SPATA18: variants seen among roughly 807,000 people sequenced by gnomAD.
SPATA18 encodes spermatogenesis associated 18.
SPATA18 carries 54 observed loss-of-function variants against 68.1 expected under a neutral mutation model. The ratio of observed to expected loss-of-function variants is 0.79; its 90% CI spans 0.64 to 0.99. The LOEUF is 0.99. Among genes scored for constraint, SPATA18 ranks in the 50% least tolerant of loss-of-function variants. The pLI is 0.00. For missense variants in SPATA18, 724 were observed against 681.1 expected, an observed-to-expected ratio of 1.06 and a Z score of -0.70; for synonymous variants, 242 against 244.8, an observed-to-expected ratio of 0.99 and a Z score of 0.11.
intron 10 of SPATA18, 27 bp downstream of exon 10, chr4:52,082,537 T>G: frequency 6.2e-7 from 1 of 1,613,912 alleles, no homozygotes; most frequent in Non-Finnish European, 8.5e-7. Flanking sequence ...TAGTGACAAT[T>G]CATCCCAAGT....
rs372598385 is a variant in SPATA18 at position 52,087,061 on chromosome 4, T to A, written c.1563+2062T>A. Among the ~76,000 whole-genome samples, 15 of 152,358 alleles carry A rather than the reference T, an allele frequency of 9.8e-5. 1 individual carries two copies. The South Asian group carries it at 3.1e-3, about 32-fold the overall frequency. On this transcript the variant is annotated intron_variant, in intron 11 of 12. Transcript: ENST00000295213. ...CATATGTCTGTTGGCTGCATAAATG[T>A]CTTCTTTGGAAAAGCGTCTGTTCAT...
In SPATA18 at chr4:52,051,714, A is replaced by G. The variant is rs1239259479; in HGVS notation, c.10A>G (p.Asn4Asp). Residue 4 changes from asparagine to aspartate, a missense_variant, in exon 1 of 13, where the codon AAC becomes GAC. Asn to Asp is a conservative substitution (Grantham distance 23). Transcript: ENST00000295213. MAENLKRLVSNETL... is the reference protein window; with the variant it reads MAEDLKRLVSNETL... ...AGAGGAATAGTGAGCGATGGCGGAA[A>G]ACCTGAAAAGACTGGTCTCAAACGA... 5 of 1,614,224 alleles carry G rather than the reference A, an allele frequency of 3.1e-6. No homozygotes were observed. The South Asian group carries it at 5.5e-5, about 18-fold the overall frequency.
intron 1 of SPATA18, among the ~76,000 whole-genome samples, chr4:52,056,979 G>C (rs980611229): frequency 6.6e-6 from 1 of 152,050 alleles, no homozygotes; most frequent in Non-Finnish European, 1.5e-5. Flanking sequence ...CCGCTAATAT[G>C]CCTTGGTGCC....
intron 3 of SPATA18, 34 bp from the exon 4 acceptor site, chr4:52,062,186 G>GT (rs34989037): frequency 5.6e-3 from 4,516 of 805,292 alleles, no homozygotes; most frequent in South Asian, 8.7e-3. Context: ...TATTCAGACT[G>GT]TTTTTTTTTT....
chr4:52,061,193 G>A (rs1048731136), intron 3 of SPATA18, among the ~76,000 whole-genome samples: 1 of 152,132 alleles, frequency 6.6e-6, no homozygotes, highest in Non-Finnish European at 1.5e-5. Flanking sequence ...TTCTAAAACA[G>A]AAGCATTTAG....
intron 1 of SPATA18, among the ~76,000 whole-genome samples, chr4:52,055,220 G>C (rs1326921836): frequency 2.0e-5 from 3 of 152,126 alleles, no homozygotes; most frequent in Non-Finnish European, 4.4e-5. Context: ...TTGCTTTCCT[G>C]TCTGCACAAA....
chr4:52,051,885 C>G, intron 1 of SPATA18, 94 bp downstream of exon 1: 1 of 1,160,512 alleles, frequency 8.6e-7, no homozygotes, highest in Non-Finnish European at 1.3e-6. Context: ...TTGGTGGCCA[C>G]TTTGCAAAGC....
At chr4:52,057,533 A>G (rs1338534085) in intron 1 of SPATA18, among the ~76,000 whole-genome samples, 1 of 152,216 alleles carries the variant, frequency 6.6e-6, no homozygotes, top group East Asian at 1.9e-4. Context: ...GGTACCCAGT[A>G]TGTACCAGGC....
At position 52,062,377 on chromosome 4, in the gene SPATA18, A is replaced by C. The variant is rs753638955; in HGVS notation, c.422+45A>C. The C allele has an allele frequency of 3.7e-6, 5 of 1,358,204 alleles. No homozygotes were observed. The South Asian group carries it at 6.2e-5, about 17-fold the overall frequency. The allele number at this position is 1,358,204 out of a possible 1,614,324, so 84.1% of individuals were successfully genotyped here. Reference sequence around the variant, plus strand: ...TCTTTTTCCAAAAAGAATTGTTTTCAATTTAATTAAGTTTTAAATTCGAAA... The same window carrying C: ...TCTTTTTCCAAAAAGAATTGTTTTCCATTTAATTAAGTTTTAAATTCGAAA... On this transcript the variant is annotated intron_variant, in intron 4 of 12. Transcript: ENST00000295213.
intron 1 of SPATA18, among the ~76,000 whole-genome samples, chr4:52,056,537 C>G (rs1355597701): frequency 7.0e-6 from 1 of 142,352 alleles, no homozygotes; most frequent in Non-Finnish European, 1.6e-5. Context: ...ACATTCCATC[C>G]GAAGGTCCTG....
intron 10 of SPATA18, chr4:52,083,166 G>A (rs1336619260): frequency 1.0e-6 from 1 of 985,240 alleles, no homozygotes; most frequent in Non-Finnish European, 1.2e-6. Context: ...TTGGGTGATG[G>A]AACTGGTAGT....
chr4:52,093,770 C>T lies in SPATA18; in HGVS notation c.1564-757C>T, dbSNP rs564588578. ...AATCCCCTATACCTTCTCTTTCTTTCTCATGTTGTGCTCAGAAAGAACACA... is the reference window on the plus strand; with the variant it reads ...AATCCCCTATACCTTCTCTTTCTTTTTCATGTTGTGCTCAGAAAGAACACA... On this transcript the variant is annotated intron_variant, in intron 11 of 12. Transcript: ENST00000295213. Among the ~76,000 whole-genome samples, 27 of 152,290 alleles carry T rather than the reference C, an allele frequency of 1.8e-4. No homozygotes were observed. In the South Asian group the frequency reaches 5.6e-3, roughly 32 times the overall value.
chr4:52,079,821 C>T lies in SPATA18; in HGVS notation c.1257C>T (p.Phe419=). ...PVVDFCLLSD[F]IQEICCIAFA... Reference sequence around the variant, plus strand: ...TTGACTTTTGCCTTCTCAGTGACTTCATCCAGGAGATATGTTGCATTGCCT... The same window carrying T: ...TTGACTTTTGCCTTCTCAGTGACTTTATCCAGGAGATATGTTGCATTGCCT... The change falls in exon 9 of 13, where the codon TTC becomes TTT. Residue 419 remains phenylalanine, a synonymous_variant. Transcript: ENST00000295213. 6.2e-7 allele frequency: 1 copy of T among 1,614,048 alleles called. No homozygotes were observed. The highest frequency in any genetic ancestry group is 8.5e-7 in the Non-Finnish European group (1 of 1,179,932).
chr4:52,051,496 C>G lies in SPATA18; in HGVS notation c.-209C>G. 2 of 554,816 alleles carry G rather than the reference C, an allele frequency of 3.6e-6. No individual in the cohort carries two copies. Among genetic ancestry groups the G allele is most frequent in the Non-Finnish European group, 6.4e-6 (2 of 311,986 alleles). 34.4% of individuals were successfully genotyped at this position (554,816 alleles called of 1,614,324 possible). ...ACCGCGCGGGACGGCGGATGAGGCG[C>G]GGCGGCTGCGGCCCAGGGCACCTCC... On this transcript the variant is annotated 5_prime_UTR_variant, in exon 1 of 13. Transcript: ENST00000295213.
In SPATA18 at chr4:52,082,515, G is replaced by T; in HGVS notation, c.1479+5G>T. The T allele has an allele frequency of 6.2e-7, 1 of 1,613,982 alleles. No individual in the cohort carries two copies. Among genetic ancestry groups the T allele is most frequent in the Non-Finnish European group, 8.5e-7 (1 of 1,179,934 alleles). On this transcript the variant is annotated splice_donor_5th_base_variant and intron_variant, in intron 10 of 12. Transcript: ENST00000295213. ...GTCACCAGGAGAGGGGCTTTTGTAC[G>T]GTGGCCTTGCATAGTGACAATTCAT...
At chr4:52,079,108 G>T (rs1026714024) in intron 8 of SPATA18, among the ~76,000 whole-genome samples, 6 of 152,174 alleles carry the variant, frequency 3.9e-5, no homozygotes, top group African/African-American at 1.2e-4. Flanking sequence ...AGTTTCTTTA[G>T]ATAGGCTGTT....
At chr4:52,077,669 T>A (rs1740516240) in intron 7 of SPATA18, among the ~76,000 whole-genome samples, 1 of 152,178 alleles carries the variant, frequency 6.6e-6, no homozygotes. Context: ...GATATATTAT[T>A]GCTAATGGCT....
chr4:52,061,708 G>T (rs1738873472), intron 3 of SPATA18, among the ~76,000 whole-genome samples: 1 of 151,944 alleles, frequency 6.6e-6, no homozygotes, highest in Admixed American at 6.6e-5. Flanking sequence ...GATCTAAAAG[G>T]TTCATTTGTG....
Position 52,072,008 on chromosome 4 carries a change from G to A in SPATA18, c.610G>A (p.Glu204Lys). ...TAGGCGGTCAGAGCCTTGGAGCTTG[G>A]AGGAGCGGAAGCGTGAGCAGTGGAA... Reference protein sequence around the residue: ...ENRRSEPWSLEERKREQWNSL... With the variant: ...ENRRSEPWSLKERKREQWNSL... Residue 204 changes from glutamate to lysine, a missense_variant, in exon 6 of 13, where the codon GAG becomes AAG. Glu to Lys is a moderately conservative substitution (Grantham distance 56). Coordinates refer to ENST00000295213, the MANE Select transcript of SPATA18 (RefSeq NM_145263.4). 8.7e-6 allele frequency: 14 copies of A among 1,613,996 alleles called. No individual in the cohort carries two copies. The highest frequency in any genetic ancestry group is 1.1e-5 in the Non-Finnish European group (13 of 1,180,002).
Sources: allele counts gnomAD v4.1 joint callset (sites outside exome capture counted in the v4.1 genomes callset), GRCh38; gene constraint gnomAD v4.1.1; transcripts MANE v1.5; gene names NCBI Gene and HGNC (gene_info 2026-07-23, HGNC 2026-07-21).